The following CLMP variants were observed in gnomAD, a reference collection of about 807,000 sequenced individuals.
CLMP encodes CXADR like cell adhesion molecule.
A neutral mutation model predicts 45.2 loss-of-function variants in CLMP; 27 were observed. The ratio of observed to expected loss-of-function variants is 0.60; its 90% CI spans 0.44 to 0.82. CLMP has a LOEUF of 0.82. CLMP is among the 40% of genes least tolerant of loss of function. The pLI is 0.00. For missense variants in CLMP, 403 were observed against 448.4 expected (o/e 0.90, Z 0.91); for synonymous variants, 167 against 171.4 (o/e 0.97, Z 0.20).
At chr11:123,084,802 A>T in intron 2 of CLMP, 89 bp from the exon 3 acceptor site, 1 of 1,091,946 alleles carries the variant, frequency 9.2e-7, no homozygotes, top group East Asian at 2.4e-5. Flanking sequence ...GAGTACTCCC[A>T]GTGGCACAAA....
rs188766391 is a variant in CLMP, at chr11:123,096,429, C to T, written c.186+1366G>A. Among the ~76,000 whole-genome samples the T allele has an allele frequency of 1.3e-3, 204 of 152,194 alleles. 2 individuals carry two copies. The highest frequency in any genetic ancestry group is 6.8e-3 in the Middle Eastern group (2 of 294). ...ATCCCAGCTGCTCAAGAGGCTGAAGCGGGAGAATCGCTTGAACCCTGTGAG... is the reference window on the plus strand; with the variant it reads ...ATCCCAGCTGCTCAAGAGGCTGAAGTGGGAGAATCGCTTGAACCCTGTGAG... On this transcript the variant is annotated intron_variant, in intron 2 of 6. Coordinates refer to ENST00000448775, the MANE Select transcript of CLMP (RefSeq NM_024769.5).
chr11:123,102,279 GT>G (rs1174991262), intron 1 of CLMP, among the ~76,000 whole-genome samples: 12,537 of 120,630 alleles, frequency 0.1, 281 homozygotes, highest in Non-Finnish European at 0.13. Flanking sequence ...ATCTTTCCAG[GT>G]TTTTTTTTTT....
intron 1 of CLMP, among the ~76,000 whole-genome samples, chr11:123,103,244 A>C (rs1860479594): frequency 6.6e-6 from 1 of 152,202 alleles, no homozygotes; most frequent in Non-Finnish European, 1.5e-5. Context: ...CTCTGGCTTA[A>C]CCCTGATCAC....
chr11:123,130,613 C>G (rs1327985197), intron 1 of CLMP, among the ~76,000 whole-genome samples: 1 of 152,080 alleles, frequency 6.6e-6, no homozygotes, highest in Admixed American at 6.6e-5. Context: ...CCACTGGGAA[C>G]TGCATTGTTC....
chr11:123,129,116 T>C (rs889868507), intron 1 of CLMP, among the ~76,000 whole-genome samples: 15 of 151,930 alleles, frequency 9.9e-5, no homozygotes, highest in East Asian at 7.7e-4. Context: ...TGAGGTCAGG[T>C]TGGAGACCAC....
At position 123,141,622 on chromosome 11, in the gene CLMP, C is replaced by T. The variant is rs541392382; in HGVS notation, c.29-43670G>A. Among the ~76,000 whole-genome samples, 30 of 152,300 alleles carry T rather than the reference C, an allele frequency of 2.0e-4. 2 individuals are homozygous for T. In the South Asian group the frequency reaches 6.2e-3, roughly 32 times the overall value. On this transcript the variant is annotated intron_variant, in intron 1 of 6. Transcript: ENST00000448775. The stretch of plus-strand genomic sequence containing the variant: ...TTGCCGTCACCTGAGAACCACTGCT[C>T]TAAACCTAGGTCTCTTCCTAAGCCC...
rs1368694298 is a variant in CLMP, at chr11:123,082,973, A to T, written c.679+112T>A. 3.1e-6 allele frequency: 4 copies of T among 1,284,810 alleles called. No homozygotes were observed. In the African/African-American group the frequency reaches 4.4e-5, roughly 14 times the overall value. The allele number at this position is 1,284,810 out of a possible 1,614,324, so 79.6% of individuals were successfully genotyped here. On this transcript the variant is annotated intron_variant, in intron 5 of 6. Coordinates refer to ENST00000448775, the MANE Select transcript of CLMP (RefSeq NM_024769.5). ...TGGTGATAGCCATATCCTTCTGGAG[A>T]TAAAGATTTTGACCTTAACCTTACT... is the stretch of plus-strand genomic sequence containing the variant.
chr11:123,124,921 G>A (rs1038116685), intron 1 of CLMP, among the ~76,000 whole-genome samples: 2 of 152,100 alleles, frequency 1.3e-5, no homozygotes. Flanking sequence ...TTTTGAGACA[G>A]GGTCTGGCTC....
intron 1 of CLMP, among the ~76,000 whole-genome samples, chr11:123,113,376 C>T (rs1480725944): frequency 2.0e-5 from 3 of 152,130 alleles, no homozygotes; most frequent in Non-Finnish European, 4.4e-5. Context: ...AGGCAGTGTA[C>T]GATCGTCAGT....
At chr11:123,101,253 C>T (rs958191955) in intron 1 of CLMP, among the ~76,000 whole-genome samples, 2 of 152,126 alleles carry the variant, frequency 1.3e-5, no homozygotes, top group East Asian at 1.9e-4. Context: ...GGATTATAGG[C>T]GTGTGCCACA....
intron 5 of CLMP, among the ~76,000 whole-genome samples, chr11:123,081,583 C>CT (rs766919408): frequency 6.6e-6 from 1 of 152,122 alleles, no homozygotes; most frequent in Non-Finnish European, 1.5e-5. Context: ...CAGAAAAACT[C>CT]TAAGAGGCCA....
In CLMP at chr11:123,166,786, T is replaced by C. The variant is rs1439101263; in HGVS notation, c.28+28127A>G. Among the ~76,000 whole-genome samples the C allele has an allele frequency of 6.6e-5, 10 of 152,222 alleles. No individual in the cohort carries two copies. In the East Asian group the frequency reaches 1.9e-3, roughly 29 times the overall value. On this transcript the variant is annotated intron_variant, in intron 1 of 6. Coordinates refer to ENST00000448775, the MANE Select transcript of CLMP (RefSeq NM_024769.5). ...AATAGTTAGAAGAGAGGATTTTGAA[T>C]GTTCTCACCACAAGGAAATGATACA... is the stretch of plus-strand genomic sequence containing the variant.
chr11:123,138,004 C>A (rs1040839448), intron 1 of CLMP, among the ~76,000 whole-genome samples: 7 of 151,740 alleles, frequency 4.6e-5, no homozygotes, highest in Non-Finnish European at 8.8e-5. Flanking sequence ...CCCTCCCTCC[C>A]CCAAACCATA....
intron 1 of CLMP, among the ~76,000 whole-genome samples, chr11:123,186,688 C>A (rs1861839729): frequency 6.6e-6 from 1 of 152,188 alleles, no homozygotes; most frequent in South Asian, 2.1e-4. Flanking sequence ...ACACCAGGCT[C>A]ATTTTTATAT....
intron 5 of CLMP, among the ~76,000 whole-genome samples, chr11:123,080,326 CTTTTT>C (rs35892566): frequency 2.2e-5 from 3 of 136,274 alleles, no homozygotes; most frequent in African/African-American, 5.5e-5. Flanking sequence ...TGAAGGTGTA[CTTTTT>C]TTTTTTTTTT....
At chr11:123,092,246 C>T (rs374147504) in intron 2 of CLMP, among the ~76,000 whole-genome samples, 17 of 151,840 alleles carry the variant, frequency 1.1e-4, no homozygotes, top group Admixed American at 6.6e-4. Flanking sequence ...TGCTTTTCCT[C>T]GCTTTCCCTA....
intron 1 of CLMP, among the ~76,000 whole-genome samples, chr11:123,128,669 G>A (rs1288346339): frequency 1.3e-5 from 2 of 151,968 alleles, no homozygotes; most frequent in African/African-American, 4.8e-5. Flanking sequence ...CAAAAAAAAA[G>A]AAAAAGACTG....
chr11:123,106,204 T>A (rs780489209), intron 1 of CLMP, among the ~76,000 whole-genome samples: 45 of 151,738 alleles, frequency 3.0e-4, no homozygotes, highest in Non-Finnish European at 5.8e-4. Flanking sequence ...CCAAGATAAT[T>A]CTTCTTCTTC....
chr11:123,102,202 T>A (rs1430998167), intron 1 of CLMP, among the ~76,000 whole-genome samples: 2 of 150,696 alleles, frequency 1.3e-5, no homozygotes, highest in African/African-American at 4.9e-5. Flanking sequence ...AAAAATAAGA[T>A]ATGCAACTTC....
Sources: allele counts gnomAD v4.1 joint callset (sites outside exome capture counted in the v4.1 genomes callset), GRCh38; gene constraint gnomAD v4.1.1; transcripts MANE v1.5; gene names NCBI Gene and HGNC (gene_info 2026-07-23, HGNC 2026-07-21).